Variants in ALOX12 observed in about 807,000 individuals in gnomAD.
ALOX12 encodes polyunsaturated fatty acid lipoxygenase ALOX12.
ALOX12 carries 62 observed loss-of-function variants against 85.5 expected under a neutral mutation model. The observed-to-expected ratio is 0.73, with a 90% CI of 0.59 to 0.90. ALOX12 has a LOEUF of 0.90. Among genes scored for constraint, ALOX12 ranks in the 40% least tolerant of loss-of-function variants. The probability of loss-of-function intolerance (pLI) is 0.00; values close to 1 mark genes in which losing one functional copy is unlikely to be tolerated. For missense variants in ALOX12, 751 were observed against 856.5 expected, an observed-to-expected ratio of 0.88 and a Z score of 1.54; for synonymous variants, 299 against 332.7, an observed-to-expected ratio of 0.90 and a Z score of 1.10.
At chr17:7,006,054 T>G (rs868307489) in intron 10 of ALOX12, 27 bp downstream of exon 10, 91 of 2,406 alleles carry the variant, frequency 0.038, no homozygotes, top group Admixed American at 0.079. Context: ...TGAGAAATGG[T>G]GGGGCCGGGG....
rs1555568712 is a variant in ALOX12, at chr17:7,006,060, C to CGGGG, written c.1418+44_1418+47dup. 472 of 91,238 alleles carry CGGGG rather than the reference C, an allele frequency of 5.2e-3. 58 individuals are homozygous for CGGGG. Among genetic ancestry groups the CGGGG allele is most frequent in the Admixed American group, 0.043 (146 of 3,402 alleles). The allele number at this position is 91,238 out of a possible 1,614,324, so 5.7% of individuals were successfully genotyped here. A position where few individuals can be genotyped will look rare whatever the true frequency, so the allele number is the denominator to read the frequency against. Reference sequence around the variant, plus strand: ...AGGAGGAGCTGAGAAATGGTGGGGCCGGGGGGGGGGGGGGCTCTGGCCTGA... The same window carrying CGGGG: ...AGGAGGAGCTGAGAAATGGTGGGGCCGGGGGGGGGGGGGGGGGGCTCTGGCCTGA... On this transcript the variant is annotated intron_variant, in intron 10 of 13. Transcript: ENST00000251535.
chr17:6,999,387 G>T lies in ALOX12; in HGVS notation c.728G>T (p.Arg243Leu). 3 of 1,614,194 alleles carry T rather than the reference G, an allele frequency of 1.9e-6. No homozygotes were observed. In the South Asian group the frequency reaches 3.3e-5, roughly 18 times the overall value. ...GGTGCCAACCCCATGCTGTTGAGAC[G>T]CTCGACCTCTCTGCCCTCCAGGCTA... ...LNGANPMLLRRSTSLPSRLVL... is the reference protein window; with the variant it reads ...LNGANPMLLRLSTSLPSRLVL... The change falls in exon 6 of 14, where the codon CGC (arginine) becomes CTC (leucine). Residue 243 changes from arginine to leucine, a missense_variant. Arg to Leu is a moderately radical substitution (Grantham distance 102). Transcript: ENST00000251535.
intron 2 of ALOX12, 62 bp from the exon 3 acceptor site, chr17:6,998,447 G>A: frequency 9.1e-7 from 1 of 1,099,582 alleles, no homozygotes; most frequent in Non-Finnish European, 1.4e-6. Flanking sequence ...GGGAGATGAG[G>A]ACAAGAGGCG....
In ALOX12 at chr17:7,000,467, C is replaced by T; in HGVS notation, c.939C>T (p.Pro313=). ...LKMEPNGKLQ[P]MVIQIQPPNP... ...TGGAGCCCAATGGGAAGCTGCAGCC[C>T]ATGGTCATCCAGGTAAGGGCCCCAG... The change falls in exon 7 of 14, where the codon CCC becomes CCT. Residue 313 remains proline, a synonymous_variant. Coordinates refer to ENST00000251535, the MANE Select transcript of ALOX12 (RefSeq NM_000697.3). This position sits in a 1 kb window ranked among gnomAD's most constrained non-coding sequence, Gnocchi z 4.6. The T allele has an allele frequency of 6.2e-7, 1 of 1,613,856 alleles. No individual in the cohort carries two copies. Among genetic ancestry groups the T allele is most frequent in the Non-Finnish European group, 8.5e-7 (1 of 1,179,990 alleles).
intron 10 of ALOX12, among the ~76,000 whole-genome samples, 197 bp from the exon 11 acceptor site, chr17:7,006,289 A>T (rs908203347): frequency 3.3e-5 from 5 of 151,962 alleles, no homozygotes; most frequent in Non-Finnish European, 5.9e-5. Context: ...ACGATGTATG[A>T]CAGCAACCAT....
intron 9 of ALOX12, 28 bp downstream of exon 9, chr17:7,005,371 C>G: frequency 6.4e-7 from 1 of 1,561,320 alleles, no homozygotes; most frequent in Non-Finnish European, 8.8e-7. Flanking sequence ...CATGGGACTG[C>G]CTCATCCATC....
chr17:6,998,209 A>G (rs1277651143), intron 2 of ALOX12, among the ~76,000 whole-genome samples: 2 of 152,060 alleles, frequency 1.3e-5, no homozygotes, highest in Non-Finnish European at 2.9e-5. Flanking sequence ...CCAACCATAG[A>G]TATTGATGAA....
Position 6,998,568 on chromosome 17 carries a change from A to G in ALOX12, c.397A>G (p.Lys133Glu). ...CCAGAAGCATCGAGAGAAGGAACTGAAAGACAGACAGCAGATCTACTGGTG... is the reference window on the plus strand; with the variant it reads ...CCAGAAGCATCGAGAGAAGGAACTGGAAGACAGACAGCAGATCTACTGGTG... Reference protein sequence around the residue: ...MFQKHREKELKDRQQIYCWAT... With the variant: ...MFQKHREKELEDRQQIYCWAT... The change falls in exon 3 of 14, where the codon AAA (lysine) becomes GAA (glutamate). Residue 133 changes from lysine to glutamate, a missense_variant. Physicochemically the swap from Lys to Glu is moderately conservative, Grantham distance 56. Transcript: ENST00000251535. The G allele has an allele frequency of 6.2e-7, 1 of 1,613,944 alleles. No individual in the cohort carries two copies. The highest frequency in any genetic ancestry group is 8.5e-7 in the Non-Finnish European group (1 of 1,179,878).
intron 7 of ALOX12, 146 bp from the exon 8 acceptor site, chr17:7,001,456 G>A (rs781032229): frequency 4.5e-5 from 37 of 816,286 alleles, no homozygotes; most frequent in Admixed American, 3.1e-4. Context: ...GCTAGCGAGC[G>A]GCAGGCTGGG....
intron 2 of ALOX12, 110 bp from the exon 3 acceptor site, chr17:6,998,399 C>CA: frequency 1.4e-6 from 1 of 715,870 alleles, no homozygotes; most frequent in Non-Finnish European, 2.4e-6. Context: ...ATAAAAGCAA[C>CA]AGTGCATGGC....
At chr17:6,998,685 C>A (rs1406587234) in intron 3 of ALOX12, 30 bp from the exon 4 acceptor site, 1 of 1,366,212 alleles carries the variant, frequency 7.3e-7, no homozygotes, top group Non-Finnish European at 9.8e-7. Context: ...ACCATGACAT[C>A]CTTCCTGAAG....
At position 6,996,244 on chromosome 17, in the gene ALOX12, C is replaced by A. The variant is rs1031275066; in HGVS notation, c.127C>A (p.Arg43=). ...GCTGGAGCTGCAGCTGCGGCCCGCG[C>A]GGGGCGAGGTCAGCGCGGGGAGCGA... ...AELELQLRPA[R]GEEEEFDHDV... The change falls in exon 1 of 14, where the codon CGG becomes AGG. Residue 43 remains arginine (R), a synonymous_variant. Coordinates refer to ENST00000251535, the MANE Select transcript of ALOX12 (RefSeq NM_000697.3). 29 of 1,242,170 alleles carry A rather than the reference C, an allele frequency of 2.3e-5. No homozygotes were observed. The highest frequency in any genetic ancestry group is 2.8e-5 in the Non-Finnish European group (28 of 987,970). 76.9% of individuals were successfully genotyped at this position (1,242,170 alleles called of 1,614,324 possible). A position where few individuals can be genotyped will look rare whatever the true frequency, so the allele number is the denominator to read the frequency against.
Position 7,010,227 on chromosome 17 carries a change from C to A in ALOX12, c.1813-17C>A, listed in dbSNP as rs1157589800. 9.9e-6 allele frequency: 16 copies of A among 1,610,182 alleles called. No homozygotes were observed. Among genetic ancestry groups the A allele is most frequent in the Non-Finnish European group, 1.4e-5 (16 of 1,177,766 alleles). On this transcript the variant is annotated splice_polypyrimidine_tract_variant and intron_variant, in intron 13 of 13. Coordinates refer to ENST00000251535, the MANE Select transcript of ALOX12 (RefSeq NM_000697.3). ...CGTTTGTCTTTAGAAACTGACTGAT[C>A]CTTTGTTCTGTCTCAGGTGCCTCTG...
chr17:7,003,729 G>A (rs1450373726), intron 8 of ALOX12, among the ~76,000 whole-genome samples: 1 of 152,162 alleles, frequency 6.6e-6, no homozygotes, highest in Non-Finnish European at 1.5e-5. Context: ...CACCCAGCTA[G>A]TTCTTGCAAT....
At chr17:7,002,847 G>A (rs925544597) in intron 8 of ALOX12, among the ~76,000 whole-genome samples, 3 of 152,122 alleles carry the variant, frequency 2.0e-5, no homozygotes, top group Non-Finnish European at 4.4e-5. Flanking sequence ...AGAAACCAGA[G>A]TCAGCAAAAA....
intron 2 of ALOX12, among the ~76,000 whole-genome samples, chr17:6,997,726 T>G (rs1317711116): frequency 6.6e-6 from 1 of 150,394 alleles, no homozygotes; most frequent in East Asian, 1.9e-4. Flanking sequence ...CCCGGCTAAT[T>G]TTTTATATTT....
At chr17:7,002,415 G>A (rs2151641527) in intron 8 of ALOX12, 1 of 455,952 alleles carries the variant, frequency 2.2e-6, no homozygotes. Context: ...GGGTGCAAGA[G>A]AGAGAAAAGC....
In ALOX12 at chr17:6,999,375, T is replaced by A; in HGVS notation, c.716T>A (p.Met239Lys). 6.2e-7 allele frequency: 1 copy of A among 1,614,190 alleles called. No individual in the cohort carries two copies. Among genetic ancestry groups the A allele is most frequent in the Non-Finnish European group, 8.5e-7 (1 of 1,180,028 alleles). Residue 239 changes from methionine to lysine, a missense_variant, in exon 6 of 14, where the codon ATG (methionine) becomes AAG (lysine). By Grantham distance (95) the Met-to-Lys change is moderately conservative (BLOSUM62 -1). Coordinates refer to ENST00000251535, the MANE Select transcript of ALOX12 (RefSeq NM_000697.3). ...SYQFLNGANP[M>K]LLRRSTSLPS... ...CAGTTCCTCAATGGTGCCAACCCCATGCTGTTGAGACGCTCGACCTCTCTG... is the reference window on the plus strand; with the variant it reads ...CAGTTCCTCAATGGTGCCAACCCCAAGCTGTTGAGACGCTCGACCTCTCTG...
chr17:7,009,949 C>T lies in ALOX12; in HGVS notation c.1642-7C>T. On this transcript the variant is annotated splice_polypyrimidine_tract_variant and splice_region_variant and intron_variant, in intron 12 of 13. Transcript: ENST00000251535. Reference sequence around the variant, plus strand: ...CAGGGTTCTAGGGTTACAGTTTCTTCCTCCAGCTGGACTGGTATGCCTGGG... The same window carrying T: ...CAGGGTTCTAGGGTTACAGTTTCTTTCTCCAGCTGGACTGGTATGCCTGGG... 1 of 1,613,282 alleles carries T rather than the reference C, an allele frequency of 6.2e-7. No homozygotes were observed. The highest frequency in any genetic ancestry group is 8.5e-7 in the Non-Finnish European group (1 of 1,179,342).
Sources: gnomAD v4.1 joint callset for allele counts (sites outside exome capture counted in the v4.1 genomes callset) on GRCh38, gnomAD v4.1.1 for gene constraint, Gnocchi (gnomAD v3.1) non-coding constraint, MANE v1.5 for transcripts, NCBI Gene and HGNC (gene_info 2026-07-23, HGNC 2026-07-21) for gene names.